Variants in CEP83 observed in about 807,000 individuals in gnomAD.
CEP83 encodes the protein centrosomal protein of 83 kDa.
A neutral mutation model predicts 101.9 loss-of-function variants in CEP83; 70 were observed. The ratio of observed to expected loss-of-function variants is 0.69; its 90% confidence interval spans 0.57 to 0.84. The LOEUF is 0.84. Among genes scored for constraint, CEP83 ranks in the 40% least tolerant of loss-of-function variants. CEP83 has a pLI of 0.00. For missense variants in CEP83, 715 were observed against 787.2 expected, an observed-to-expected ratio of 0.91 and a Z score of 1.10; for synonymous variants, 264 against 267.9, an observed-to-expected ratio of 0.99 and a Z score of 0.14.
At chr12:94,288,621 C>A in the CEP83 span, among the ~76,000 whole-genome samples, 1 of 152,216 alleles carries the variant, frequency 6.6e-6, no homozygotes, top group African/African-American at 2.4e-5. Flanking sequence ...GATGTTCTGA[C>A]GGCCCCTTCC....
At position 94,405,339 on chromosome 12, in the gene CEP83, G is replaced by A. The variant is rs1247425017; in HGVS notation, c.325-2077C>T. On this transcript the variant is annotated intron_variant, in intron 4 of 16. Transcript: ENST00000397809. ...TGTGATTATGCTTTTAAGACAGACT[G>A]CACTGATTTGTTATAGAGATATATA... Among the ~76,000 whole-genome samples, 3 of 152,294 alleles carry A rather than the reference G, an allele frequency of 2.0e-5. No individual in the cohort carries two copies. In the East Asian group the frequency reaches 5.8e-4, roughly 29 times the overall value.
the CEP83 span, among the ~76,000 whole-genome samples, chr12:94,273,031 C>T: frequency 6.6e-6 from 1 of 152,148 alleles, no homozygotes; most frequent in East Asian, 1.9e-4. Context: ...TGACTCCCAC[C>T]GGCTCCATGA....
rs374264650 is a variant in CEP83, at chr12:94,369,905, G to A, written c.1048+17C>T. 5.6e-6 allele frequency: 7 copies of A among 1,247,784 alleles called. No individual in the cohort carries two copies. Among genetic ancestry groups the A allele is most frequent in the African/African-American group, 4.5e-5 (3 of 67,402 alleles). The allele number at this position is 1,247,784 out of a possible 1,614,324, so 77.3% of individuals were successfully genotyped here. ...AAATAAGCAGCAGCAGCAGCAGCAA[G>A]GGAAATCACATATTACCATCCAGTT... On this transcript the variant is annotated intron_variant, in intron 9 of 16. Transcript: ENST00000397809.
chr12:94,369,448 C>T (rs1169679150), intron 9 of CEP83: 1 of 152,036 alleles, frequency 6.6e-6, no homozygotes, highest in Non-Finnish European at 1.5e-5. Context: ...AGCGAGACTC[C>T]ATCTCAAAAA....
the CEP83 span, among the ~76,000 whole-genome samples, chr12:94,289,200 CCT>C: frequency 2.5e-4 from 38 of 152,204 alleles, no homozygotes; most frequent in Admixed American, 5.9e-4. Context: ...ATGTGTAGCT[CCT>C]GTTTATTTTG....
chr12:94,381,404 C>T (rs1006211745), intron 6 of CEP83, among the ~76,000 whole-genome samples: 59 of 152,140 alleles, frequency 3.9e-4, no homozygotes, highest in African/African-American at 1.4e-3. Flanking sequence ...ATTCTAAATA[C>T]AAACTTACTT....
intron 14 of CEP83, among the ~76,000 whole-genome samples, chr12:94,328,954 A>G (rs551718279): frequency 2.6e-5 from 4 of 152,338 alleles, no homozygotes; most frequent in African/African-American, 9.6e-5. Context: ...AAAATTATAC[A>G]TACTTATATA....
At chr12:94,419,758 T>C (rs2064573182) in intron 2 of CEP83, among the ~76,000 whole-genome samples, 1 of 152,046 alleles carries the variant, frequency 6.6e-6, no homozygotes, top group Non-Finnish European at 1.5e-5. Context: ...AAGAGAGTCT[T>C]CAATAAAGGC....
the CEP83 span, among the ~76,000 whole-genome samples, chr12:94,280,703 C>G: frequency 2.6e-5 from 4 of 152,208 alleles, no homozygotes; most frequent in African/African-American, 9.7e-5. Flanking sequence ...GACCCCAGAC[C>G]CCCAGCTTCC....
In CEP83 at chr12:94,335,602, G is replaced by C. The variant is rs2059415082; in HGVS notation, c.1406C>G (p.Ser469Cys). Residue 469 changes from serine (S) to cysteine (C), a missense_variant, in exon 12 of 17, where the codon TCT (serine) becomes TGT (cysteine). Physicochemically the swap from Ser to Cys is moderately radical, Grantham distance 112. Transcript: ENST00000397809. ...ENAEKEKNENSDLKQQISSLQ... is the reference protein window; with the variant it reads ...ENAEKEKNENCDLKQQISSLQ... ...CTAAAATCATACCTGTTTTAGGTCA[G>C]AATTTTCATTTTTTTCCTTCTCTGC... The C allele has an allele frequency of 5.1e-6, 8 of 1,575,174 alleles. No individual in the cohort carries two copies. In the East Asian group the frequency reaches 1.1e-4, roughly 23 times the overall value.
intron 7 of CEP83, among the ~76,000 whole-genome samples, chr12:94,377,821 G>C (rs1419360509): frequency 6.6e-6 from 1 of 152,182 alleles, no homozygotes; most frequent in South Asian, 2.1e-4. Context: ...ATTAAGGATG[G>C]AAGGATGGCA....
intron 2 of CEP83, among the ~76,000 whole-genome samples, chr12:94,426,492 G>T (rs1044712646): frequency 5.3e-5 from 8 of 152,246 alleles, no homozygotes; most frequent in African/African-American, 1.9e-4. Context: ...CACATATTAA[G>T]AGCTCAAAAA....
the CEP83 span, among the ~76,000 whole-genome samples, chr12:94,295,732 T>G: frequency 0.26 from 38,713 of 151,810 alleles, 5,036 homozygotes; most frequent in Admixed American, 0.3. Flanking sequence ...TGGCACACAG[T>G]GGGTCACTAT....
chr12:94,318,323 GGTTT>G (rs1971058187), intron 14 of CEP83, among the ~76,000 whole-genome samples: 1 of 152,112 alleles, frequency 6.6e-6, no homozygotes, highest in African/African-American at 2.4e-5. Context: ...AGACTATGGG[GGTTT>G]CCTAAACATA....
chr12:94,279,714 C>G, the CEP83 span: 1 of 1,395,524 alleles, frequency 7.2e-7, no homozygotes, highest in South Asian at 1.2e-5. Context: ...CCTGCCCTCC[C>G]TCCCTGTCCC....
chr12:94,290,026 G>A, the CEP83 span, among the ~76,000 whole-genome samples: 19 of 152,328 alleles, frequency 1.2e-4, no homozygotes, highest in African/African-American at 3.6e-4. Flanking sequence ...TTTTGGCAGC[G>A]TTCCTTATCA....
chr12:94,420,727 T>C (rs1170733974), intron 2 of CEP83, among the ~76,000 whole-genome samples: 1 of 152,028 alleles, frequency 6.6e-6, no homozygotes, highest in African/African-American at 2.4e-5. Flanking sequence ...ATATATAGGG[T>C]GAATATTACA....
intron 6 of CEP83, among the ~76,000 whole-genome samples, chr12:94,392,018 T>TA (rs1253009553): frequency 1.3e-5 from 2 of 152,148 alleles, no homozygotes; most frequent in East Asian, 3.8e-4. Context: ...CAAAGAGACT[T>TA]AGACTCCCAC....
At chr12:94,390,845 G>A (rs2062476379) in intron 6 of CEP83, among the ~76,000 whole-genome samples, 1 of 152,290 alleles carries the variant, frequency 6.6e-6, no homozygotes, top group African/African-American at 2.4e-5. Context: ...AGCTTCAATA[G>A]CTGATTCAAT....
Sources: allele counts gnomAD v4.1 joint callset (sites outside exome capture counted in the v4.1 genomes callset), GRCh38; gene constraint gnomAD v4.1.1; transcripts MANE v1.5; gene names NCBI Gene and HGNC (gene_info 2026-07-23, HGNC 2026-07-21).